P2RX6: variants seen among roughly 807,000 people sequenced by gnomAD.
P2RX6 encodes P2X purinoceptor 6.
Under a neutral mutation model 54.2 loss-of-function variants are expected in P2RX6, and 62 were observed. That is an observed-to-expected ratio of 1.14 (90% CI 0.93 to 1.41). The LOEUF (loss-of-function observed/expected upper bound fraction) is 1.41. Ranked by LOEUF, P2RX6 falls within the 40% of genes most tolerant of loss-of-function variation. P2RX6 has a pLI of 0.00. For missense variants in P2RX6, 541 were observed against 566.3 expected (o/e 0.96, Z 0.45); for synonymous variants, 211 against 231.9 (o/e 0.91, Z 0.82).
rs966069092 is a variant in P2RX6, at chr22:21,015,303, G to T, written c.129G>T (p.Arg43Ser). The T allele has an allele frequency of 6.4e-7, 1 of 1,561,508 alleles. No individual in the cohort carries two copies. The highest frequency in any genetic ancestry group is 8.6e-7 in the Non-Finnish European group (1 of 1,161,092). Residue 43 changes from arginine to serine, a missense_variant, in exon 1 of 12, where the codon AGG becomes AGT. By Grantham distance (110) the Arg-to-Ser change is moderately radical (BLOSUM62 -1). This residue lies in a region of P2RX6 where 526 missense variants were observed against 531.5 expected (regional missense o/e 0.99). Coordinates refer to ENST00000413302, the MANE Select transcript of P2RX6 (RefSeq NM_005446.5). ...ACTGGCGGGTGGGCGCCCTGCAGAG[G>T]CTGCTGCAGTTTGGGATCGTGGTCT... Reference protein sequence around the residue: ...TRNWRVGALQRLLQFGIVVYV... With the variant: ...TRNWRVGALQSLLQFGIVVYV...
chr22:21,015,878 C>T lies in P2RX6; in HGVS notation c.165-64C>T, dbSNP rs962218190. 3.7e-5 allele frequency: 55 copies of T among 1,499,130 alleles called. No individual in the cohort carries two copies. In the Admixed American group the frequency reaches 9.0e-4, roughly 25 times the overall value. 92.9% of individuals were successfully genotyped at this position (1,499,130 alleles called of 1,614,324 possible). On this transcript the variant is annotated intron_variant, in intron 1 of 11. Transcript: ENST00000413302. ...TGGGGGGAGAACTGAGCATGTAGGG[C>T]TCAGCTCCGCCCCTGTCACTACACG...
intron 4 of P2RX6, 64 bp downstream of exon 4, chr22:21,022,815 G>A: frequency 6.7e-7 from 1 of 1,485,706 alleles, no homozygotes; most frequent in Non-Finnish European, 9.2e-7. Context: ...GATCCTGGGT[G>A]GCTCCTGAGT....
intron 2 of P2RX6, 98 bp from the exon 3 acceptor site, chr22:21,017,891 G>T (rs778826674): frequency 3.2e-5 from 24 of 758,502 alleles, no homozygotes; most frequent in Non-Finnish European, 5.4e-5. Context: ...ATGACTTGAT[G>T]GGGCCAACAT....
At chr22:21,011,202 T>G (rs1306383731), upstream of P2RX6, among the ~76,000 whole-genome samples, 3 of 145,980 alleles carry the variant, frequency 2.1e-5, no homozygotes, top group Non-Finnish European at 3.0e-5. Flanking sequence ...GAGATATTTG[T>G]GGAAGGAATG....
upstream of P2RX6, chr22:21,012,458 G>A: frequency 2.2e-6 from 1 of 448,316 alleles, no homozygotes. Flanking sequence ...CAGCTTTCAG[G>A]GGTGGAGGCA....
Position 21,026,084 on chromosome 22 carries a change from C to T in P2RX6, c.1050+8C>T, listed in dbSNP as rs1435465445. 7.5e-6 allele frequency: 12 copies of T among 1,607,292 alleles called. No individual in the cohort carries two copies. The highest frequency in any genetic ancestry group is 1.8e-4 in the Middle Eastern group (1 of 5,628). ...GCAGCTTGGCTGGGCGTGGTGAGTGCGAGCACTGTGGGCACCTGCAGGCTG... is the reference window on the plus strand; with the variant it reads ...GCAGCTTGGCTGGGCGTGGTGAGTGTGAGCACTGTGGGCACCTGCAGGCTG... On this transcript the variant is annotated splice_region_variant and intron_variant, in intron 10 of 11. Coordinates refer to ENST00000413302, the MANE Select transcript of P2RX6 (RefSeq NM_005446.5). This position sits in a 1 kb window ranked among gnomAD's most constrained non-coding sequence, Gnocchi z 4.0.
In P2RX6 at chr22:21,022,749, A is replaced by G. The variant is rs144260525; in HGVS notation, c.461A>G (p.His154Arg). 7.7e-6 allele frequency: 12 copies of G among 1,566,460 alleles called. No homozygotes were observed. The highest frequency in any genetic ancestry group is 1.4e-5 in the African/African-American group (1 of 73,324). The change falls in exon 4 of 12, where the codon CAC (histidine) becomes CGC (arginine). Residue 154 changes from histidine (H) to arginine (R), a missense_variant and splice_region_variant. Transcript: ENST00000413302. ...GAAGGGGAGGGAGGCACACACAGCCACGGTAACTGTGGGCTCTGTCTTCCA... is the reference window on the plus strand; with the variant it reads ...GAAGGGGAGGGAGGCACACACAGCCGCGGTAACTGTGGGCTCTGTCTTCCA... Reference protein sequence around the residue: ...CPEGEGGTHSHGVKTGQCVVF... With the variant: ...CPEGEGGTHSRGVKTGQCVVF...
upstream of P2RX6, chr22:21,011,373 G>C: frequency 1.6e-6 from 1 of 625,554 alleles, no homozygotes; most frequent in Non-Finnish European, 2.9e-6. Flanking sequence ...GGTGCCCTGC[G>C]CAGGCATTAC....
chr22:21,017,429 C>A (rs923760162), intron 2 of P2RX6, among the ~76,000 whole-genome samples: 2 of 152,242 alleles, frequency 1.3e-5, no homozygotes, highest in Non-Finnish European at 2.9e-5. Context: ...CCCTCTTCTC[C>A]CTTGGCCCCT....
At chr22:21,015,865 T>G (rs558119256) in intron 1 of P2RX6, 77 bp from the exon 2 acceptor site, 2 of 1,439,452 alleles carry the variant, frequency 1.4e-6, no homozygotes, top group South Asian at 2.7e-5. Flanking sequence ...GGGGGAGAAC[T>G]GAGCATGTAG....
At chr22:21,019,906 A>G (rs1414368704) in intron 3 of P2RX6, among the ~76,000 whole-genome samples, 1 of 152,262 alleles carries the variant, frequency 6.6e-6, no homozygotes, top group Non-Finnish European at 1.5e-5. Flanking sequence ...GTGGTTTAAG[A>G]ACGCCTTTAA....
intron 9 of P2RX6, 23 bp downstream of exon 9, chr22:21,025,921 C>CCGGGGATGGGATGGGGCAGGCAGA: frequency 1.9e-6 from 3 of 1,579,336 alleles, no homozygotes; most frequent in Non-Finnish European, 2.6e-6. Context: ...AGGGGTCAGG[C>CCGGGGATGGGATGGGGCAGGCAGA]CGGGGATGGG....
At chr22:21,018,404 C>T in intron 3 of P2RX6, 2 of 359,514 alleles carry the variant, frequency 5.6e-6, no homozygotes, top group South Asian at 4.7e-5. Context: ...GGTCCTGCCT[C>T]TGGGTACTCT....
chr22:21,011,041 T>C (rs1297500076), upstream of P2RX6, among the ~76,000 whole-genome samples: 1 of 152,154 alleles, frequency 6.6e-6, no homozygotes, highest in Non-Finnish European at 1.5e-5. Context: ...CATTCTTCTC[T>C]AGAAGCATAA....
At chr22:21,019,534 G>A (rs918277047) in intron 3 of P2RX6, among the ~76,000 whole-genome samples, 3 of 152,246 alleles carry the variant, frequency 2.0e-5, no homozygotes, top group Non-Finnish European at 2.9e-5. Flanking sequence ...GGCTGGTCTC[G>A]AACTCCTGGC....
chr22:21,015,995 T>G lies in P2RX6; in HGVS notation c.218T>G (p.Phe73Cys). 6.4e-7 allele frequency: 1 copy of G among 1,550,642 alleles called. No homozygotes were observed. ...GYQERDLEPQ[F>C]SIITKLKGVS... ...CAGGAGCGGGACCTGGAACCCCAGT[T>G]TTCCATCATCACCAAACTCAAAGGG... The change falls in exon 2 of 12, where the codon TTT becomes TGT. Residue 73 changes from phenylalanine (F) to cysteine (C), a missense_variant. Phe to Cys is a radical substitution (Grantham distance 205, BLOSUM62 -2). Coordinates refer to ENST00000413302, the MANE Select transcript of P2RX6 (RefSeq NM_005446.5).
chr22:21,018,195 A>G (rs1926767079), intron 3 of P2RX6, 135 bp downstream of exon 3: 2 of 689,118 alleles, frequency 2.9e-6, no homozygotes, highest in South Asian at 1.5e-5. Flanking sequence ...GCACTGGGCT[A>G]CATCTTTTCC....
In P2RX6 at chr22:21,015,836, C is replaced by G. The variant is rs1242070176; in HGVS notation, c.165-106C>G. 5.0e-6 allele frequency: 6 copies of G among 1,206,660 alleles called. No individual in the cohort carries two copies. In the Admixed American group the frequency reaches 7.9e-5, roughly 16 times the overall value. The allele number at this position is 1,206,660 out of a possible 1,614,324, so 74.7% of individuals were successfully genotyped here. ...GGAGGTGGGGCCTTCGATGTTGGGC[C>G]GGGAGCCTGTAGGGTGTGGGGGGAG... On this transcript the variant is annotated intron_variant, in intron 1 of 11. Transcript: ENST00000413302.
At chr22:21,025,775 G>C (rs1477145) in intron 8 of P2RX6, 30 bp from the exon 9 acceptor site, 2 of 1,532,594 alleles carry the variant, frequency 1.3e-6, no homozygotes, top group Non-Finnish European at 1.8e-6. Context: ...GGGCAAAGCA[G>C]GTCACCAGAG....
Sources: allele counts gnomAD v4.1 joint callset (sites outside exome capture counted in the v4.1 genomes callset), GRCh38; gene constraint gnomAD v4.1.1; regional missense constraint gnomAD v4.1.1; non-coding constraint Gnocchi (gnomAD v3.1); transcripts MANE v1.5; gene names NCBI Gene and HGNC (gene_info 2026-07-23, HGNC 2026-07-21).